PPFIA2: variants seen among roughly 807,000 people sequenced by gnomAD.
PPFIA2 encodes the protein PPFI scaffold protein A2.
PPFIA2 carries 46 observed loss-of-function variants against 175.5 expected under a neutral mutation model. That is an observed-to-expected ratio of 0.26 (90% CI 0.21 to 0.34). The LOEUF (loss-of-function observed/expected upper bound fraction) is 0.34, where lower values mean the gene tolerates loss of function less well. Among genes scored for constraint, PPFIA2 ranks in the 10% least tolerant of loss-of-function variants. The pLI, the probability that PPFIA2 is intolerant of heterozygous loss-of-function variation, is 1.00. For synonymous variants in PPFIA2, 568 were observed against 511.4 expected (o/e 1.11, Z -1.49); for missense variants, 1,179 against 1,506.1 (o/e 0.78, Z 3.60).
At chr12:81,705,083 TAA>T (rs557079067) in intron 3 of PPFIA2, among the ~76,000 whole-genome samples, 75 of 32,368 alleles carry the variant, frequency 2.3e-3, no homozygotes, top group Non-Finnish European at 3.1e-3. Flanking sequence ...AAACTCTGTC[TAA>T]AAAAAAAAAA....
intron 2 of PPFIA2, among the ~76,000 whole-genome samples, chr12:81,756,061 A>G (rs930390378): frequency 1.3e-5 from 2 of 152,164 alleles, no homozygotes; most frequent in African/African-American, 4.8e-5. Context: ...AACACATTTG[A>G]TTATTTAAAA....
At chr12:81,433,334 G>A (rs1046061570) in intron 7 of PPFIA2, among the ~76,000 whole-genome samples, 2 of 152,200 alleles carry the variant, frequency 1.3e-5, no homozygotes, top group South Asian at 2.1e-4. Context: ...AGTCTTCTCC[G>A]ATCCTTTGGC....
chr12:81,421,771 A>G (rs997368737), intron 7 of PPFIA2, among the ~76,000 whole-genome samples: 30 of 152,006 alleles, frequency 2.0e-4, no homozygotes, highest in African/African-American at 7.2e-4. Context: ...GGAAAAAAAT[A>G]ATATAACAAG....
At chr12:81,662,285 A>G (rs1481988638) in intron 4 of PPFIA2, among the ~76,000 whole-genome samples, 1 of 152,214 alleles carries the variant, frequency 6.6e-6, no homozygotes, top group Admixed American at 6.5e-5. Flanking sequence ...AGAGATCAAC[A>G]AAGTCGATAG....
intron 4 of PPFIA2, among the ~76,000 whole-genome samples, chr12:81,544,604 G>A (rs1461588828): frequency 6.6e-6 from 1 of 152,036 alleles, no homozygotes; most frequent in Non-Finnish European, 1.5e-5. Context: ...CCATTTTAAT[G>A]TAAGACTGAA....
At position 81,259,549 on chromosome 12, in the gene PPFIA2, A is replaced by T; in HGVS notation, c.*145T>A. ...CCAAAAATCACATTTTTCAGCTTTT[A>T]ATAAGTCATGACGTCATTATTTCCT... is the stretch of plus-strand genomic sequence containing the variant. On this transcript the variant is annotated 3_prime_UTR_variant, in exon 33 of 33. Coordinates refer to ENST00000549396, the MANE Select transcript of PPFIA2 (RefSeq NM_003625.5). 2 of 1,330,524 alleles carry T rather than the reference A, an allele frequency of 1.5e-6. No homozygotes were observed. Among genetic ancestry groups the T allele is most frequent in the Non-Finnish European group, 2.1e-6 (2 of 970,058 alleles). 82.4% of individuals were successfully genotyped at this position (1,330,524 alleles called of 1,614,324 possible).
intron 4 of PPFIA2, among the ~76,000 whole-genome samples, chr12:81,621,321 G>A (rs546928810): frequency 6.6e-6 from 1 of 152,298 alleles, no homozygotes; most frequent in South Asian, 2.1e-4. Context: ...CAAGGGAGTA[G>A]TAGGTGGTGA....
At chr12:81,559,866 T>C (rs1453043983) in intron 4 of PPFIA2, among the ~76,000 whole-genome samples, 2 of 152,034 alleles carry the variant, frequency 1.3e-5, no homozygotes, top group Admixed American at 6.6e-5. Flanking sequence ...CCCAAATAAT[T>C]TGACACACAT....
At chr12:81,486,554 T>C (rs909905301) in intron 4 of PPFIA2, among the ~76,000 whole-genome samples, 3 of 151,922 alleles carry the variant, frequency 2.0e-5, no homozygotes, top group Non-Finnish European at 1.5e-5. Flanking sequence ...TTTTTTTAAC[T>C]GCAGATTTTT....
chr12:81,742,983 A>G (rs1568095005), intron 3 of PPFIA2, among the ~76,000 whole-genome samples: 1 of 152,180 alleles, frequency 6.6e-6, no homozygotes, highest in Non-Finnish European at 1.5e-5. Context: ...ATCTTCACAG[A>G]GCAGTTTAGA....
At chr12:81,499,451 T>C (rs1440057845) in intron 4 of PPFIA2, among the ~76,000 whole-genome samples, 1 of 152,156 alleles carries the variant, frequency 6.6e-6, no homozygotes, top group Non-Finnish European at 1.5e-5. Context: ...TTTCCCAAAT[T>C]AATTCTCATC....
chr12:81,502,318 A>G (rs987630587), intron 4 of PPFIA2, among the ~76,000 whole-genome samples: 2 of 152,192 alleles, frequency 1.3e-5, no homozygotes, highest in Non-Finnish European at 2.9e-5. Flanking sequence ...CCCTAAAACA[A>G]AGGAAAATTG....
At chr12:81,505,151 CG>C (rs1324108836) in intron 4 of PPFIA2, among the ~76,000 whole-genome samples, 2 of 151,946 alleles carry the variant, frequency 1.3e-5, no homozygotes, top group East Asian at 3.9e-4. Context: ...CAAGTTCCTC[CG>C]AATGATTTAA....
chr12:81,473,320 A>C (rs2057023844), intron 4 of PPFIA2, among the ~76,000 whole-genome samples: 1 of 152,098 alleles, frequency 6.6e-6, no homozygotes, highest in Non-Finnish European at 1.5e-5. Context: ...GAGGCACAAG[A>C]ATGGCTTGAA....
chr12:81,535,020 C>T (rs547970654), intron 4 of PPFIA2, among the ~76,000 whole-genome samples: 4 of 151,634 alleles, frequency 2.6e-5, no homozygotes, highest in East Asian at 1.9e-4. Context: ...GTTATGGCCA[C>T]CATGCAACAA....
chr12:81,453,705 T>C (rs572882122), intron 5 of PPFIA2, among the ~76,000 whole-genome samples: 4 of 152,158 alleles, frequency 2.6e-5, no homozygotes, highest in Admixed American at 6.5e-5. Context: ...ATTAGGATAT[T>C]CTTAATTTAA....
rs12319199 is a variant in PPFIA2 at position 81,712,874 on chromosome 12, T to C, written c.250-36030A>G. ...AAGTTCTCTTTAAATGTTCTGATAT[T>C]TTCAACCACATCTCCAAGAGAAGTG... On this transcript the variant is annotated intron_variant, in intron 3 of 32. Coordinates refer to ENST00000549396, the MANE Select transcript of PPFIA2 (RefSeq NM_003625.5). 2.9e-3 allele frequency among the ~76,000 whole-genome samples: 433 copies of C among 151,094 alleles called. 2 individuals are homozygous for C. The highest frequency in any genetic ancestry group is 9.8e-3 in the African/African-American group (408 of 41,486).
chr12:81,432,237 T>C (rs2048219546), intron 7 of PPFIA2, among the ~76,000 whole-genome samples: 2 of 152,130 alleles, frequency 1.3e-5, no homozygotes, highest in African/African-American at 2.4e-5. Flanking sequence ...AAACTGAAAT[T>C]CTGTACACAT....
At chr12:81,328,594 T>A (rs1191751624) in intron 21 of PPFIA2, among the ~76,000 whole-genome samples, 1 of 152,178 alleles carries the variant, frequency 6.6e-6, no homozygotes, top group Admixed American at 6.5e-5. Flanking sequence ...TTCACATTTG[T>A]GGCTTATATT....
Sources: gnomAD v4.1 joint callset for allele counts (sites outside exome capture counted in the v4.1 genomes callset) on GRCh38, gnomAD v4.1.1 for gene constraint, MANE v1.5 for transcripts, NCBI Gene and HGNC (gene_info 2026-07-23, HGNC 2026-07-21) for gene names.